Variants in PARL observed in about 807,000 individuals in gnomAD.
PARL encodes the protein presenilin-associated rhomboid-like protein, mitochondrial.
PARL carries 44 observed loss-of-function variants against 51.6 expected under a neutral mutation model. The ratio of observed to expected loss-of-function variants is 0.85; its 90% CI spans 0.67 to 1.10. The LOEUF is 1.10. PARL is among the 50% of genes least tolerant of loss of function. The pLI, the probability that PARL is intolerant of heterozygous loss-of-function variation, is 0.00. For synonymous variants in PARL, 172 were observed against 164.0 expected (o/e 1.05, Z -0.37); for missense variants, 441 against 469.5 (o/e 0.94, Z 0.56).
At chr3:183,861,354 G>C (rs912555878) in intron 4 of PARL, 6 of 307,550 alleles carry the variant, frequency 2.0e-5, no homozygotes, top group African/African-American at 1.1e-4. Flanking sequence ...TATATGCTAG[G>C]TGCTGTCACA....
intron 1 of PARL, among the ~76,000 whole-genome samples, chr3:183,871,043 T>G (rs892305964): frequency 6.6e-6 from 1 of 152,152 alleles, no homozygotes; most frequent in Non-Finnish European, 1.5e-5. Context: ...GATTACAGTT[T>G]TATATTCATT....
In PARL at chr3:183,866,540, T is replaced by A. The variant is rs1356650819; in HGVS notation, c.462+85A>T. 3.7e-6 allele frequency: 4 copies of A among 1,070,588 alleles called. No homozygotes were observed. The African/African-American group carries it at 4.6e-5, about 12-fold the overall frequency. 66.3% of individuals were successfully genotyped at this position (1,070,588 alleles called of 1,614,324 possible). A position where few individuals can be genotyped will look rare whatever the true frequency, so the allele number is the denominator to read the frequency against. On this transcript the variant is annotated intron_variant, in intron 3 of 9. Transcript: ENST00000317096. The stretch of plus-strand genomic sequence containing the variant: ...TTACACATTATGTGAATGCATCATG[T>A]ACACTGAAAACACGTGCATCTATTA...
chr3:183,855,907 G>A (rs1731092135), intron 4 of PARL, among the ~76,000 whole-genome samples: 1 of 149,532 alleles, frequency 6.7e-6, no homozygotes, highest in African/African-American at 2.5e-5. Context: ...AGTGAGCCAA[G>A]ATCACACCAC....
At chr3:183,844,623 G>T in intron 4 of PARL, 1 of 312,668 alleles carries the variant, frequency 3.2e-6, no homozygotes, top group South Asian at 4.1e-5. Flanking sequence ...ATTATAATCA[G>T]ATCAATAATT....
chr3:183,883,417 C>T (rs543901914), intron 1 of PARL, among the ~76,000 whole-genome samples: 1 of 152,082 alleles, frequency 6.6e-6, no homozygotes, highest in Non-Finnish European at 1.5e-5. Context: ...TACAGGCGCC[C>T]GCCACCATGC....
intron 1 of PARL, among the ~76,000 whole-genome samples, chr3:183,869,118 A>G (rs952081713): frequency 6.6e-6 from 1 of 152,210 alleles, no homozygotes. Flanking sequence ...TAAATTCTTG[A>G]AACAGTCTTC....
At chr3:183,870,638 T>G (rs1279169087) in intron 1 of PARL, among the ~76,000 whole-genome samples, 1 of 152,142 alleles carries the variant, frequency 6.6e-6, no homozygotes, top group Non-Finnish European at 1.5e-5. Context: ...TCCTTCACAT[T>G]GTATTAAGCA....
intron 5 of PARL, chr3:183,843,046 A>G (rs1417426657): frequency 3.5e-5 from 7 of 199,602 alleles, no homozygotes; most frequent in Admixed American, 6.6e-5. Flanking sequence ...CCCATGCCCA[A>G]CTAATTTTTG....
chr3:183,866,924 T>TTC (rs372239240), intron 2 of PARL, among the ~76,000 whole-genome samples, 159 bp from the exon 3 acceptor site: 1 of 152,010 alleles, frequency 6.6e-6, no homozygotes, highest in African/African-American at 2.4e-5. Context: ...CTTTTTTTTT[T>TTC]CTTTTTGAGA....
chr3:183,833,553 T>G lies in PARL; in HGVS notation c.967A>C (p.Met323Leu). Residue 323 changes from methionine to leucine, a missense_variant, in exon 9 of 10, where the codon ATG becomes CTG. Physicochemically the swap from Met to Leu is conservative, Grantham distance 15. Coordinates refer to ENST00000317096, the MANE Select transcript of PARL (RefSeq NM_018622.7). ...KAIIAMDTAG[M>L]ILGWKFFDHA... ...TCAAAAAATTTCCATCCCAGGATCA[T>G]TCCTGCTGTATCCATGGCGATAATG... The G allele has an allele frequency of 1.2e-6, 2 of 1,613,962 alleles. No homozygotes were observed. The highest frequency in any genetic ancestry group is 1.7e-6 in the Non-Finnish European group (2 of 1,179,810).
rs753410822 is a variant in PARL at position 183,829,747 on chromosome 3, G to A, written c.1029-38C>T. 26 of 1,512,422 alleles carry A rather than the reference G, an allele frequency of 1.7e-5. No individual in the cohort carries two copies. The African/African-American group carries it at 3.3e-4, about 19-fold the overall frequency. 93.7% of individuals were successfully genotyped at this position (1,512,422 alleles called of 1,614,324 possible). ...AAACCAGGTCCGACATTCAAACAGT[G>A]TGACATACAAATGGTAAGTAGCATG... On this transcript the variant is annotated intron_variant, in intron 9 of 9. Coordinates refer to ENST00000317096, the MANE Select transcript of PARL (RefSeq NM_018622.7).
At chr3:183,856,955 G>A (rs1192781866) in intron 4 of PARL, among the ~76,000 whole-genome samples, 1 of 152,114 alleles carries the variant, frequency 6.6e-6, no homozygotes, top group Admixed American at 6.5e-5. Context: ...TATATATAAG[G>A]CATTTCACTG....
At position 183,884,754 on chromosome 3, in the gene PARL, C is replaced by G. The variant is rs747710240; in HGVS notation, c.93G>C (p.Ala31=). 2.1e-5 allele frequency: 33 copies of G among 1,579,754 alleles called. No individual in the cohort carries two copies. The highest frequency in any genetic ancestry group is 8.6e-6 in the Non-Finnish European group (10 of 1,166,564). The change falls in exon 1 of 10, where the codon GCG becomes GCC. Residue 31 remains alanine (A), a synonymous_variant. Coordinates refer to ENST00000317096, the MANE Select transcript of PARL (RefSeq NM_018622.7). ...VGGRSCEELT[A]VLTPPQLLGR... is the part of the protein sequence containing the mutation. ...CGAGGAGCTGCGGCGGGGTTAGGAC[C>G]GCAGTGAGCTCCTCGCAGCTGCGGC...
At chr3:183,842,516 CT>C in intron 5 of PARL, 69 bp from the exon 6 acceptor site, 1 of 1,494,132 alleles carries the variant, frequency 6.7e-7, no homozygotes, top group South Asian at 1.1e-5. Context: ...CCATTTTAAA[CT>C]TTTAAAATTA....
chr3:183,849,852 C>T (rs1440244255), intron 4 of PARL, among the ~76,000 whole-genome samples: 1 of 151,984 alleles, frequency 6.6e-6, no homozygotes, highest in African/African-American at 2.4e-5. Context: ...GGAATGAAAG[C>T]AGAATGTTAC....
chr3:183,829,923 T>A (rs1482793661), intron 9 of PARL, among the ~76,000 whole-genome samples: 1 of 152,230 alleles, frequency 6.6e-6, no homozygotes, highest in East Asian at 1.9e-4. Context: ...TGCTCCGCAG[T>A]GTGTGAGTAC....
At chr3:183,853,702 G>A (rs903841950) in intron 4 of PARL, among the ~76,000 whole-genome samples, 2 of 152,124 alleles carry the variant, frequency 1.3e-5, no homozygotes, top group Non-Finnish European at 2.9e-5. Flanking sequence ...ACCAGAAAAA[G>A]CAAATCAAAA....
intron 4 of PARL, among the ~76,000 whole-genome samples, chr3:183,860,467 C>G (rs945749570): frequency 6.6e-6 from 1 of 152,192 alleles, no homozygotes; most frequent in Non-Finnish European, 1.5e-5. Flanking sequence ...TGCAGCATGA[C>G]CATTCACATT....
At chr3:183,831,688 T>C (rs1195709150) in intron 9 of PARL, among the ~76,000 whole-genome samples, 2 of 152,106 alleles carry the variant, frequency 1.3e-5, no homozygotes, top group Non-Finnish European at 2.9e-5. Flanking sequence ...GTCAGGGAAA[T>C]GTATAAGTGG....
Sources: allele counts gnomAD v4.1 joint callset (sites outside exome capture counted in the v4.1 genomes callset), GRCh38; gene constraint gnomAD v4.1.1; transcripts MANE v1.5; gene names NCBI Gene and HGNC (gene_info 2026-07-23, HGNC 2026-07-21).